Variants in CCDC30 observed in about 807,000 individuals in gnomAD.
CCDC30 encodes coiled-coil domain containing 30, also known as coiled-coil domain-containing protein 30.
Under a neutral mutation model 100.2 loss-of-function variants are expected in CCDC30, and 70 were observed. The ratio of observed to expected loss-of-function variants is 0.70; its 90% CI spans 0.58 to 0.85. The LOEUF (loss-of-function observed/expected upper bound fraction) is 0.85. Among genes scored for constraint, CCDC30 ranks in the 40% least tolerant of loss-of-function variants. The probability of loss-of-function intolerance (pLI) is 0.00; values close to 1 mark genes in which losing one functional copy is unlikely to be tolerated. For synonymous variants in CCDC30, 233 were observed against 269.5 expected, an observed-to-expected ratio of 0.86 and a Z score of 1.33; for missense variants, 652 against 771.2, an observed-to-expected ratio of 0.85 and a Z score of 1.83.
At chr1:42,543,782 A>G (rs1032561053) in intron 6 of CCDC30, among the ~76,000 whole-genome samples, 6 of 152,226 alleles carry the variant, frequency 3.9e-5, no homozygotes, top group Admixed American at 1.3e-4. Flanking sequence ...TATAGTCCAT[A>G]TGAGATTTTA....
chr1:42,614,019 C>T (rs11210681), intron 11 of CCDC30, among the ~76,000 whole-genome samples: 30,539 of 151,666 alleles, frequency 0.2, 3,636 homozygotes, highest in Non-Finnish European at 0.25. Flanking sequence ...ACCACATCCT[C>T]GTTAGCATTG....
intron 11 of CCDC30, among the ~76,000 whole-genome samples, chr1:42,612,252 T>G (rs1336936574): frequency 1.3e-5 from 2 of 152,206 alleles, no homozygotes; most frequent in African/African-American, 4.8e-5. Flanking sequence ...AGGGTACAAC[T>G]GCTAACAGAC....
At chr1:42,572,825 G>A (rs907486380) in intron 7 of CCDC30, among the ~76,000 whole-genome samples, 2 of 152,044 alleles carry the variant, frequency 1.3e-5, no homozygotes, top group Non-Finnish European at 2.9e-5. Context: ...CACCATATTG[G>A]CCTGGCTGGC....
chr1:42,462,459 G>A (rs577752005), upstream of CCDC30, among the ~76,000 whole-genome samples: 3 of 152,092 alleles, frequency 2.0e-5, no homozygotes, highest in Admixed American at 2.0e-4. Context: ...GAGAGGTTGA[G>A]GCACTTTATT....
chr1:42,600,814 T>C (rs1341991353), intron 10 of CCDC30, among the ~76,000 whole-genome samples: 1 of 151,404 alleles, frequency 6.6e-6, no homozygotes, highest in African/African-American at 2.4e-5. Flanking sequence ...CTGTGCTCTC[T>C]CTCTCTCTCT....
chr1:42,498,006 A>G (rs2148475428), intron 5 of CCDC30, among the ~76,000 whole-genome samples: 1 of 152,356 alleles, frequency 6.6e-6, no homozygotes, highest in Non-Finnish European at 1.5e-5. Flanking sequence ...CACAATAGCC[A>G]GAAGTTGGAA....
chr1:42,529,278 C>T (rs964138520), intron 6 of CCDC30, among the ~76,000 whole-genome samples: 1 of 152,120 alleles, frequency 6.6e-6, no homozygotes, highest in African/African-American at 2.4e-5. Context: ...TCGAGACCAA[C>T]CTGGCCAACA....
chr1:42,653,221 G>C (rs929560536), intron 15 of CCDC30, among the ~76,000 whole-genome samples, 155 bp from the exon 20 acceptor site: 2 of 151,944 alleles, frequency 1.3e-5, no homozygotes, highest in Non-Finnish European at 2.9e-5. Flanking sequence ...GAGAGAGAGA[G>C]GGCAACCAGC....
intron 4 of CCDC30, among the ~76,000 whole-genome samples, chr1:42,496,774 T>C (rs1269340151): frequency 6.6e-6 from 1 of 152,158 alleles, no homozygotes; most frequent in Non-Finnish European, 1.5e-5. Flanking sequence ...TTTTAAAAGG[T>C]AGGCTAGGCT....
At chr1:42,545,266 A>G (rs1645105809) in intron 6 of CCDC30, 144 bp from the exon 9 acceptor site, 1 of 565,386 alleles carries the variant, frequency 1.8e-6, no homozygotes, top group Non-Finnish European at 2.8e-6. Context: ...TATTAAATTA[A>G]GTTGGAATCA....
At chr1:42,623,599 AT>A (rs1424455115) in intron 11 of CCDC30, among the ~76,000 whole-genome samples, 1 of 152,084 alleles carries the variant, frequency 6.6e-6, no homozygotes, top group Non-Finnish European at 1.5e-5. Context: ...CTATGTGTCT[AT>A]TTTTATGCCA....
chr1:42,538,018 A>T (rs896404190), intron 6 of CCDC30: 3 of 148,448 alleles, frequency 2.0e-5, no homozygotes, highest in African/African-American at 7.5e-5. Context: ...TCTCTTGTGG[A>T]TATATATTTT....
intron 11 of CCDC30, among the ~76,000 whole-genome samples, chr1:42,617,653 C>T (rs932662682): frequency 6.6e-6 from 1 of 152,120 alleles, no homozygotes; most frequent in Non-Finnish European, 1.5e-5. Context: ...AAGACTAAAT[C>T]ACAGAAAGTT....
intron 12 of CCDC30, among the ~76,000 whole-genome samples, chr1:42,641,911 C>A (rs1339055093): frequency 6.6e-6 from 1 of 151,656 alleles, no homozygotes; most frequent in Non-Finnish European, 1.5e-5. Context: ...CTTTCAGGGT[C>A]ATGAAAAAGA....
At chr1:42,607,280 G>A (rs1173298179) in intron 10 of CCDC30, among the ~76,000 whole-genome samples, 2 of 151,960 alleles carry the variant, frequency 1.3e-5, no homozygotes, top group East Asian at 1.9e-4. Flanking sequence ...AGCAAAAGAT[G>A]GTTTGTTAAT....
At position 42,503,783 on chromosome 1, in the gene CCDC30, C is replaced by T. The variant is rs1046611278; in HGVS notation, c.456+4867C>T. On this transcript the variant is annotated intron_variant, in intron 6 of 16. Transcript: ENST00000668663. ...AAAATTAAAACCTTAATGAGGACTT[C>T]CTTACCCTCACTATCTGCCTAAATA... Among the ~76,000 whole-genome samples, 5 of 152,188 alleles carry T rather than the reference C, an allele frequency of 3.3e-5. No homozygotes were observed. The East Asian group carries it at 7.7e-4, about 23-fold the overall frequency.
At chr1:42,497,900 T>C (rs1644253247) in intron 5 of CCDC30, among the ~76,000 whole-genome samples, 1 of 152,206 alleles carries the variant, frequency 6.6e-6, no homozygotes, top group East Asian at 1.9e-4. Flanking sequence ...AATCACCATG[T>C]GGTCTGACAA....
chr1:42,570,089 G>A (rs574203918), intron 7 of CCDC30, among the ~76,000 whole-genome samples: 2 of 152,132 alleles, frequency 1.3e-5, no homozygotes, highest in East Asian at 1.9e-4. Context: ...ACAAACCTGC[G>A]TGTTCTGCAC....
intron 1 of CCDC30, among the ~76,000 whole-genome samples, chr1:42,469,227 T>A (rs1324815855): frequency 6.6e-6 from 1 of 151,994 alleles, no homozygotes; most frequent in Non-Finnish European, 1.5e-5. Flanking sequence ...AAAATAATTT[T>A]AAAAATAAGA....
Sources: gnomAD v4.1 joint callset for allele counts (sites outside exome capture counted in the v4.1 genomes callset) on GRCh38, gnomAD v4.1.1 for gene constraint, MANE v1.5 for transcripts, NCBI Gene and HGNC (gene_info 2026-07-23, HGNC 2026-07-21) for gene names.